The following BRD1 variants were observed in gnomAD, a reference collection of about 807,000 sequenced individuals.
BRD1 encodes bromodomain-containing protein 1.
Under a neutral mutation model 107.7 loss-of-function variants are expected in BRD1, and 24 were observed. The ratio of observed to expected loss-of-function variants is 0.22; its 90% confidence interval spans 0.16 to 0.31. The LOEUF (loss-of-function observed/expected upper bound fraction) is 0.31. BRD1 is among the 10% of genes least tolerant of loss of function. The probability of loss-of-function intolerance (pLI) is 1.00; values close to 1 mark genes in which losing one functional copy is unlikely to be tolerated. For synonymous variants in BRD1, 744 were observed against 686.1 expected, an observed-to-expected ratio of 1.08 and a Z score of -1.32; for missense variants, 1,279 against 1,638.6, an observed-to-expected ratio of 0.78 and a Z score of 3.79.
intron 2 of BRD1, among the ~76,000 whole-genome samples, chr22:49,816,201 G>A (rs763484142): frequency 6.6e-6 from 1 of 152,198 alleles, no homozygotes; most frequent in Admixed American, 6.5e-5. Context: ...CAAGCCAAAG[G>A]GGGCCGCGGC....
Position 49,783,282 on chromosome 22 carries a change from C to G in BRD1, c.2857+4108G>C, listed in dbSNP as rs1412093153. Among the ~76,000 whole-genome samples, 2 of 152,224 alleles carry G rather than the reference C, an allele frequency of 1.3e-5. No homozygotes were observed. The highest frequency in any genetic ancestry group is 4.8e-5 in the African/African-American group (2 of 41,450). On this transcript the variant is annotated intron_variant, in intron 8 of 12. Coordinates refer to ENST00000404760, the MANE Select transcript of BRD1 (RefSeq NM_001304808.3). This position sits in a 1 kb window ranked among gnomAD's most constrained non-coding sequence, Gnocchi z 4.2. ...CAGGGGCACTCAGCGTGGTGACCAG[C>G]AAGAGACAAACAGCAGCACTGCTCA...
chr22:49,805,364 C>G (rs5770696), intron 2 of BRD1: 1 of 152,366 alleles, frequency 6.6e-6, no homozygotes, highest in Non-Finnish European at 1.5e-5. Context: ...GGGAACCCGC[C>G]GGGGGAACTT....
Position 49,774,274 on chromosome 22 carries a change from C to T in BRD1, c.3529G>A (p.Val1177Ile), listed in dbSNP as rs1264068612. The change falls in exon 13 of 13, where the codon GTC becomes ATC. Residue 1177 changes from valine (V) to isoleucine (I), a missense_variant. Transcript: ENST00000404760. ...AGGTCGCTGGTCGGCTCCCCGTGGA[C>T]GCGGCTCAGGTGGTTCATGGCGCGG... is the stretch of plus-strand genomic sequence containing the variant. ...FDRAMNHLSR[V>I]HGEPTSDLSD... 31 of 1,613,990 alleles carry T rather than the reference C, an allele frequency of 1.9e-5. No homozygotes were observed. The highest frequency in any genetic ancestry group is 4.5e-5 in the East Asian group (2 of 44,892).
At chr22:49,776,873 C>A (rs935816897) in intron 10 of BRD1, among the ~76,000 whole-genome samples, 161 bp downstream of exon 10, 3 of 152,262 alleles carry the variant, frequency 2.0e-5, no homozygotes, top group Non-Finnish European at 2.9e-5. Context: ...CAGCCCAGAG[C>A]CCCTCGGTGT....
rs2059672665 is a variant in BRD1, at chr22:49,803,134, C to T, written c.1524+1070G>A. ...AACCACCACCTGCCAGACCAGAGCA[C>T]CAGACTCTGTAGTTCCCTGGAGCAC... On this transcript the variant is annotated intron_variant, in intron 3 of 12. Transcript: ENST00000404760. The surrounding 1 kb of genome is among the most constrained non-coding windows in gnomAD (Gnocchi z 4.4). Among the ~76,000 whole-genome samples the T allele has an allele frequency of 6.6e-6, 1 of 152,252 alleles. No individual in the cohort carries two copies. Among genetic ancestry groups the T allele is most frequent in the Non-Finnish European group, 1.5e-5 (1 of 68,046 alleles).
At chr22:49,811,705 G>T (rs1319904305) in intron 2 of BRD1, among the ~76,000 whole-genome samples, 1 of 152,210 alleles carries the variant, frequency 6.6e-6, no homozygotes, top group African/African-American at 2.4e-5. Context: ...CTGACCATGG[G>T]CAACTGACAC....
At chr22:49,798,723 C>T (rs779924129) in intron 4 of BRD1, 37 bp from the exon 5 acceptor site, 83 of 1,537,520 alleles carry the variant, frequency 5.4e-5, no homozygotes, top group Non-Finnish European at 6.5e-5. Flanking sequence ...TTTAGGGAGC[C>T]GCACATGCGT....
chr22:49,774,511 T>C (rs541850304), intron 12 of BRD1, 95 bp from the exon 13 acceptor site: 20 of 1,347,214 alleles, frequency 1.5e-5, no homozygotes, highest in Admixed American at 2.0e-5. Flanking sequence ...TGCCCTCCGA[T>C]AGAAAGGGGC....
chr22:49,800,310 G>A (rs1387222796), intron 3 of BRD1, among the ~76,000 whole-genome samples: 1 of 152,270 alleles, frequency 6.6e-6, no homozygotes, highest in Middle Eastern at 3.4e-3. Context: ...GCGTTGCTGC[G>A]CTGATGTCCC....
chr22:49,818,306 G>C (rs2059994529), intron 2 of BRD1: 1 of 1,276,906 alleles, frequency 7.8e-7, no homozygotes, highest in African/African-American at 1.5e-5. Context: ...GCAGTCAAAG[G>C]AACCAAACCG....
Position 49,816,204 on chromosome 22 carries a change from G to A in BRD1, c.1367+6747C>T, listed in dbSNP as rs916337297. ...GACTTAAAAACACAAGCCAAAGGGG[G>A]CCGCGGCCGGTGGCTCTAATCCGTA... On this transcript the variant is annotated intron_variant, in intron 2 of 12. Transcript: ENST00000404760. Among the ~76,000 whole-genome samples, 8 of 152,336 alleles carry A rather than the reference G, an allele frequency of 5.3e-5. No individual in the cohort carries two copies. The South Asian group carries it at 1.2e-3, about 24-fold the overall frequency.
At chr22:49,775,913 C>G in intron 11 of BRD1, 137 bp downstream of exon 11, 1 of 1,201,636 alleles carries the variant, frequency 8.3e-7, no homozygotes, top group East Asian at 2.7e-5. Flanking sequence ...CTGTGTGAAC[C>G]TCCTCTGACC....
chr22:49,809,550 T>C (rs57255560), intron 2 of BRD1, among the ~76,000 whole-genome samples: 2 of 137,066 alleles, frequency 1.5e-5, no homozygotes, highest in East Asian at 2.1e-4. Context: ...CCAAAAAAAA[T>C]ATATATATAT....
intron 9 of BRD1, 112 bp from the exon 10 acceptor site, chr22:49,777,273 A>C (rs1601599904): frequency 1.3e-6 from 2 of 1,513,726 alleles, no homozygotes; most frequent in Non-Finnish European, 1.8e-6. Context: ...CCTGCCTGAC[A>C]CCCCCGCGGC....
chr22:49,798,982 C>CTT lies in BRD1; in HGVS notation c.1656+5_1656+6insAA, dbSNP rs754546673. The CTT allele has an allele frequency of 9.2e-5, 147 of 1,601,156 alleles. No individual in the cohort carries two copies. The highest frequency in any genetic ancestry group is 1.2e-4 in the Non-Finnish European group (142 of 1,174,670). ...TGCACTCCACGCGGGACAGGCCCAG[C>CTT]CCCACCTGCTCACGCTTGAGCTTCT... On this transcript the variant is annotated splice_donor_region_variant and intron_variant, in intron 4 of 12. Transcript: ENST00000404760.
At chr22:49,814,054 C>CA in intron 2 of BRD1, among the ~76,000 whole-genome samples, 1 of 152,080 alleles carries the variant, frequency 6.6e-6, no homozygotes, top group African/African-American at 2.4e-5. Context: ...GGTGCACGAA[C>CA]GGAATTCCAT....
intron 6 of BRD1, among the ~76,000 whole-genome samples, chr22:49,796,519 G>C (rs1213666085): frequency 6.6e-6 from 1 of 151,768 alleles, no homozygotes; most frequent in Non-Finnish European, 1.5e-5. Flanking sequence ...ACCATGCCCG[G>C]CTAATTTTTT....
In BRD1 at chr22:49,803,015, G is replaced by A. The variant is rs1872261108; in HGVS notation, c.1524+1189C>T. Reference sequence around the variant, plus strand: ...ACAGACACACAGTGGGGCAACCCAGGTGGACGGCACGGGAGACCTGGAATA... The same window carrying A: ...ACAGACACACAGTGGGGCAACCCAGATGGACGGCACGGGAGACCTGGAATA... On this transcript the variant is annotated intron_variant, in intron 3 of 12. Coordinates refer to ENST00000404760, the MANE Select transcript of BRD1 (RefSeq NM_001304808.3). This position sits in a 1 kb window ranked among gnomAD's most constrained non-coding sequence, Gnocchi z 4.4. 6.6e-6 allele frequency among the ~76,000 whole-genome samples: 1 copy of A among 152,222 alleles called. No individual in the cohort carries two copies. The highest frequency in any genetic ancestry group is 2.1e-4 in the South Asian group (1 of 4,832).
chr22:49,784,925 C>G (rs772699673), intron 8 of BRD1, among the ~76,000 whole-genome samples: 3 of 152,208 alleles, frequency 2.0e-5, no homozygotes, highest in Admixed American at 6.5e-5. Context: ...CAGGAACTCA[C>G]CGCACCTCCA....
Sources: allele counts gnomAD v4.1 joint callset (sites outside exome capture counted in the v4.1 genomes callset), GRCh38; gene constraint gnomAD v4.1.1; non-coding constraint Gnocchi (gnomAD v3.1); transcripts MANE v1.5; gene names NCBI Gene and HGNC (gene_info 2026-07-23, HGNC 2026-07-21).